Variants in CDH13 observed in about 807,000 individuals in gnomAD.
The protein encoded by CDH13 is cadherin 13.
CDH13 carries 24 observed loss-of-function variants against 63.8 expected under a neutral mutation model. The observed-to-expected ratio is 0.38, with a 90% CI of 0.27 to 0.53. The LOEUF (loss-of-function observed/expected upper bound fraction) is 0.53. Ranked by LOEUF, CDH13 falls within the 20% of genes least tolerant of loss-of-function variation. The probability of loss-of-function intolerance (pLI) is 0.85; values close to 1 mark genes in which losing one functional copy is unlikely to be tolerated. For synonymous variants in CDH13, 503 were observed against 355.3 expected (o/e 1.42, Z -4.67); for missense variants, 1,049 against 903.1 (o/e 1.16, Z -2.07).
intron 4 of CDH13, among the ~76,000 whole-genome samples, chr16:83,170,197 TA>T (rs1478498091): frequency 6.6e-6 from 1 of 152,122 alleles, no homozygotes; most frequent in African/African-American, 2.4e-5. Flanking sequence ...CACATGACAA[TA>T]AACCCTTCTA....
intron 7 of CDH13, among the ~76,000 whole-genome samples, chr16:83,520,875 A>C (rs1223903902): frequency 1.3e-5 from 2 of 152,256 alleles, no homozygotes; most frequent in East Asian, 3.9e-4. Flanking sequence ...CAAAATCTTC[A>C]TCCAAGTTTT....
chr16:83,253,585 G>A (rs922123061), intron 5 of CDH13, among the ~76,000 whole-genome samples: 1 of 152,220 alleles, frequency 6.6e-6, no homozygotes, highest in Non-Finnish European at 1.5e-5. Flanking sequence ...GGGCTGCTCA[G>A]CCCTTCGGGG....
chr16:83,103,084 C>A (rs949971505), intron 3 of CDH13, among the ~76,000 whole-genome samples: 1 of 150,524 alleles, frequency 6.6e-6, no homozygotes, highest in African/African-American at 2.4e-5. Flanking sequence ...TCCGAAGTAG[C>A]TGGGATTACA....
chr16:83,479,513 C>T (rs1157240864), intron 6 of CDH13, among the ~76,000 whole-genome samples: 5 of 152,028 alleles, frequency 3.3e-5, no homozygotes, highest in Admixed American at 6.6e-5. Flanking sequence ...AAAAATTAGC[C>T]GGGCGTAGTG....
At chr16:82,705,824 T>A (rs1395009500) in intron 1 of CDH13, among the ~76,000 whole-genome samples, 1 of 152,210 alleles carries the variant, frequency 6.6e-6, no homozygotes, top group Non-Finnish European at 1.5e-5. Flanking sequence ...CTGCAATGTA[T>A]CACGCATTCT....
intron 2 of CDH13, among the ~76,000 whole-genome samples, chr16:82,982,886 G>A (rs1910466697): frequency 6.6e-6 from 1 of 152,104 alleles, no homozygotes; most frequent in Admixed American, 6.5e-5. Flanking sequence ...AAATAAAACA[G>A]CTTTGATGGA....
At chr16:82,726,959 C>A (rs1045607286) in intron 1 of CDH13, among the ~76,000 whole-genome samples, 1 of 152,178 alleles carries the variant, frequency 6.6e-6, no homozygotes. Context: ...AGGGACCTGT[C>A]TTTGATGATG....
intron 2 of CDH13, among the ~76,000 whole-genome samples, chr16:82,995,857 C>CT (rs140744915): frequency 9.6e-4 from 146 of 152,200 alleles, no homozygotes; most frequent in African/African-American, 3.2e-3. Flanking sequence ...TCGCGGGCTG[C>CT]TGGGGAATCG....
chr16:82,939,469 G>A (rs1241184271), intron 2 of CDH13, among the ~76,000 whole-genome samples: 3 of 138,832 alleles, frequency 2.2e-5, no homozygotes, highest in Admixed American at 7.1e-5. Context: ...GGGAGAGGGA[G>A]AGAGGGAGGG....
intron 7 of CDH13, among the ~76,000 whole-genome samples, chr16:83,489,277 G>T (rs779237084): frequency 6.6e-6 from 1 of 152,160 alleles, no homozygotes; most frequent in Non-Finnish European, 1.5e-5. Context: ...TCATTAAGTT[G>T]TAATAAGTAT....
chr16:82,855,838 T>C (rs1411595560), intron 1 of CDH13, among the ~76,000 whole-genome samples: 1 of 152,192 alleles, frequency 6.6e-6, no homozygotes, highest in African/African-American at 2.4e-5. Flanking sequence ...TCTTGCTCCC[T>C]TCTTTGGGGT....
chr16:82,765,257 C>T (rs368783865), intron 1 of CDH13, among the ~76,000 whole-genome samples: 42 of 152,234 alleles, frequency 2.8e-4, no homozygotes, highest in African/African-American at 9.1e-4. Context: ...AGCTAAATAC[C>T]TCTTGAAGCT....
chr16:82,672,619 G>T (rs940681151), intron 1 of CDH13, among the ~76,000 whole-genome samples: 4 of 151,916 alleles, frequency 2.6e-5, no homozygotes, highest in African/African-American at 9.7e-5. Context: ...TAGGTGATCA[G>T]TCACCAACTC....
intron 5 of CDH13, among the ~76,000 whole-genome samples, chr16:83,306,935 G>T (rs908672628): frequency 1.3e-5 from 2 of 152,188 alleles, no homozygotes; most frequent in African/African-American, 2.4e-5. Context: ...GGAAAGAAAT[G>T]CAGACAGGAA....
At chr16:83,112,733 A>G (rs995292124) in intron 3 of CDH13, among the ~76,000 whole-genome samples, 3 of 152,336 alleles carry the variant, frequency 2.0e-5, no homozygotes, top group East Asian at 3.9e-4. Flanking sequence ...GCTATCAAAC[A>G]TAGTTACATT....
chr16:83,460,894 C>A (rs2073159725), intron 6 of CDH13, among the ~76,000 whole-genome samples: 1 of 150,064 alleles, frequency 6.7e-6, no homozygotes, highest in South Asian at 2.1e-4. Flanking sequence ...GTCCTAGCTG[C>A]TTGGGATGCT....
At chr16:82,715,451 C>G (rs4578640) in intron 1 of CDH13, among the ~76,000 whole-genome samples, 10,400 of 152,150 alleles carry the variant, frequency 0.068, 402 homozygotes, top group African/African-American at 0.09. Flanking sequence ...CTTTATTGAT[C>G]TTGAGACCAG....
At chr16:82,693,399 C>T (rs1001035042) in intron 1 of CDH13, among the ~76,000 whole-genome samples, 1 of 152,064 alleles carries the variant, frequency 6.6e-6, no homozygotes, top group Non-Finnish European at 1.5e-5. Flanking sequence ...CACAGTTGTG[C>T]AGGACATATC....
intron 3 of CDH13, among the ~76,000 whole-genome samples, chr16:83,121,468 C>T (rs889134170): frequency 1.3e-5 from 2 of 152,150 alleles, no homozygotes; most frequent in Non-Finnish European, 2.9e-5. Context: ...TGCCAAGTGC[C>T]CAGCACATTG....
Sources: allele counts gnomAD v4.1 joint callset (sites outside exome capture counted in the v4.1 genomes callset), GRCh38; gene constraint gnomAD v4.1.1; transcripts MANE v1.5; gene names NCBI Gene and HGNC (gene_info 2026-07-23, HGNC 2026-07-21).